ANO3: variants seen among roughly 807,000 people sequenced by gnomAD.
The protein encoded by ANO3 is anoctamin-3.
Under a neutral mutation model 144.8 loss-of-function variants are expected in ANO3, and 99 were observed. The ratio of observed to expected loss-of-function variants is 0.68; its 90% CI spans 0.58 to 0.81. ANO3 has a LOEUF of 0.81. Among genes scored for constraint, ANO3 ranks in the 30% least tolerant of loss-of-function variants. The pLI, the probability that ANO3 is intolerant of heterozygous loss-of-function variation, is 0.00. For missense variants in ANO3, 905 were observed against 1,202.2 expected (o/e 0.75, Z 3.66); for synonymous variants, 414 against 392.6 (o/e 1.05, Z -0.64).
intron 7 of ANO3, among the ~76,000 whole-genome samples, chr11:26,528,135 T>C (rs1849212441): frequency 6.6e-6 from 1 of 152,180 alleles, no homozygotes; most frequent in Admixed American, 6.5e-5. Context: ...TAGATTACAC[T>C]GGTGGCATGG....
At chr11:26,465,232 T>C (rs929925375) in intron 4 of ANO3, among the ~76,000 whole-genome samples, 2 of 151,200 alleles carry the variant, frequency 1.3e-5, no homozygotes, top group African/African-American at 4.9e-5. Flanking sequence ...TTCATTTGTG[T>C]CCTACAAATA....
At chr11:26,189,459 G>GT in intron 1 of ANO3, 2 of 422,472 alleles carry the variant, frequency 4.7e-6, no homozygotes, top group Non-Finnish European at 6.3e-6. Flanking sequence ...GCCAATTTTA[G>GT]TTTCTTTAGT....
chr11:26,287,720 C>T (rs12287986), intron 1 of ANO3, among the ~76,000 whole-genome samples: 2 of 152,294 alleles, frequency 1.3e-5, no homozygotes, highest in East Asian at 3.9e-4. Context: ...GATTATAAAT[C>T]CAGAGCCTTT....
Position 26,624,619 on chromosome 11 carries a change from TAAAAAG to T in ANO3, c.1873+122_1873+127del, listed in dbSNP as rs1173164594. 17 of 707,476 alleles carry T rather than the reference TAAAAAG, an allele frequency of 2.4e-5. No homozygotes were observed. In the East Asian group the frequency reaches 4.5e-4, roughly 19 times the overall value. 43.8% of individuals were successfully genotyped at this position (707,476 alleles called of 1,614,324 possible). ...TGCAATTATTTAAGTATTTACCAAT[TAAAAAG>T]GAGAGGGGTAGTATAGGAAGTTGGT... is the stretch of plus-strand genomic sequence containing the variant. On this transcript the variant is annotated intron_variant, in intron 18 of 26. Transcript: ENST00000256737.
At chr11:26,492,163 T>A (rs1264594528) in intron 4 of ANO3, among the ~76,000 whole-genome samples, 1 of 152,242 alleles carries the variant, frequency 6.6e-6, no homozygotes, top group African/African-American at 2.4e-5. Flanking sequence ...AAAATTAGAT[T>A]CTCTTTGAAG....
At chr11:26,327,204 T>C (rs954464879), upstream of ANO3, among the ~76,000 whole-genome samples, 1 of 152,214 alleles carries the variant, frequency 6.6e-6, no homozygotes. Context: ...GTGTCAATCA[T>C]CTTTTCGGCA....
intron 1 of ANO3, among the ~76,000 whole-genome samples, chr11:26,242,029 G>A (rs1852674009): frequency 6.6e-6 from 1 of 152,194 alleles, no homozygotes; most frequent in Non-Finnish European, 1.5e-5. Flanking sequence ...TTCAACAGAT[G>A]TATAGTTTTC....
chr11:26,311,990 C>G (rs1054483455), intron 1 of ANO3, among the ~76,000 whole-genome samples: 1 of 152,146 alleles, frequency 6.6e-6, no homozygotes, highest in African/African-American at 2.4e-5. Flanking sequence ...CTAATTCTAT[C>G]CCTCCGCTCT....
chr11:26,386,742 A>T (rs12272303), intron 1 of ANO3, among the ~76,000 whole-genome samples: 16 of 152,226 alleles, frequency 1.1e-4, no homozygotes, highest in Admixed American at 1.0e-3. Flanking sequence ...CTTGAGAAGC[A>T]TTCCATATTG....
intron 1 of ANO3, among the ~76,000 whole-genome samples, chr11:26,277,334 G>A (rs933150881): frequency 2.0e-5 from 3 of 151,968 alleles, no homozygotes; most frequent in South Asian, 2.1e-4. Flanking sequence ...AATTGCCCAC[G>A]CTACATTGAA....
intron 17 of ANO3, among the ~76,000 whole-genome samples, chr11:26,606,362 T>C (rs1851936708): frequency 6.6e-6 from 1 of 152,188 alleles, no homozygotes; most frequent in Non-Finnish European, 1.5e-5. Flanking sequence ...TGGTCAATTT[T>C]AGAATAAGTG....
chr11:26,337,464 G>A (rs1038821640), intron 1 of ANO3, among the ~76,000 whole-genome samples: 6 of 152,146 alleles, frequency 3.9e-5, no homozygotes, highest in Non-Finnish European at 8.8e-5. Context: ...TGATTCTAGA[G>A]AGCTGAAGTT....
intron 1 of ANO3, among the ~76,000 whole-genome samples, chr11:26,344,888 T>C (rs757973834): frequency 6.6e-6 from 1 of 152,194 alleles, no homozygotes; most frequent in African/African-American, 2.4e-5. Context: ...CTCTAGAGTT[T>C]AAATCATGGA....
chr11:26,268,971 CAG>C (rs1348326316), intron 1 of ANO3, among the ~76,000 whole-genome samples: 2 of 152,176 alleles, frequency 1.3e-5, no homozygotes, highest in Non-Finnish European at 2.9e-5. Flanking sequence ...CTCACAGACT[CAG>C]AGTCTTAGGG....
chr11:26,436,297 G>A (rs1008025891), intron 1 of ANO3, among the ~76,000 whole-genome samples: 2 of 152,168 alleles, frequency 1.3e-5, no homozygotes, highest in Admixed American at 6.5e-5. Context: ...CAGGAGCTTT[G>A]TCCCAGGGAG....
At chr11:26,234,404 C>G (rs554125731) in intron 1 of ANO3, among the ~76,000 whole-genome samples, 1 of 152,068 alleles carries the variant, frequency 6.6e-6, no homozygotes, top group African/African-American at 2.4e-5. Context: ...GCACAAATTG[C>G]GACTTAGACA....
intron 1 of ANO3, among the ~76,000 whole-genome samples, chr11:26,292,594 T>G (rs1458956440): frequency 6.6e-6 from 1 of 152,170 alleles, no homozygotes; most frequent in Admixed American, 6.6e-5. Flanking sequence ...CAGATGAGGT[T>G]TTGGTGTGGG....
At chr11:26,659,071 T>C (rs1257913235) in intron 26 of ANO3, among the ~76,000 whole-genome samples, 1 of 129,448 alleles carries the variant, frequency 7.7e-6, no homozygotes, top group African/African-American at 2.7e-5. Flanking sequence ...CAAGCAATCC[T>C]TGAGCCATAC....
intron 6 of ANO3, among the ~76,000 whole-genome samples, chr11:26,520,467 T>A (rs1303066794): frequency 6.6e-6 from 1 of 152,156 alleles, no homozygotes; most frequent in African/African-American, 2.4e-5. Context: ...TTCAAAAAAA[T>A]ATGATTATTG....
Sources: gnomAD v4.1 joint callset for allele counts (sites outside exome capture counted in the v4.1 genomes callset) on GRCh38, gnomAD v4.1.1 for gene constraint, MANE v1.5 for transcripts, NCBI Gene and HGNC (gene_info 2026-07-23, HGNC 2026-07-21) for gene names.